Variants in CAMKMT observed in about 807,000 individuals in gnomAD.
CAMKMT encodes the protein CaM KMT.
CAMKMT carries 53 observed loss-of-function variants against 48.0 expected under a neutral mutation model. The ratio of observed to expected loss-of-function variants is 1.10; its 90% CI spans 0.89 to 1.39. CAMKMT has a LOEUF of 1.39. Among genes scored for constraint, CAMKMT ranks in the 40% most tolerant of loss-of-function variants. The pLI, the probability that CAMKMT is intolerant of heterozygous loss-of-function variation, is 0.00. For missense variants in CAMKMT, 428 were observed against 402.7 expected, an observed-to-expected ratio of 1.06 and a Z score of -0.54; for synonymous variants, 165 against 152.3, an observed-to-expected ratio of 1.08 and a Z score of -0.61.
intron 3 of CAMKMT, among the ~76,000 whole-genome samples, chr2:44,555,793 A>G (rs991602298): frequency 6.6e-6 from 1 of 152,190 alleles, no homozygotes; most frequent in Non-Finnish European, 1.5e-5. Flanking sequence ...CCAAGGGAGG[A>G]GAAACTTTCA....
At position 44,362,123 on chromosome 2, in the gene CAMKMT, C is replaced by A. The variant is rs757937402; in HGVS notation, c.116C>A (p.Ala39Asp). The A allele has an allele frequency of 2.7e-6, 4 of 1,476,544 alleles. No individual in the cohort carries two copies. Among genetic ancestry groups the A allele is most frequent in the Non-Finnish European group, 3.6e-6 (4 of 1,124,716 alleles). The allele number at this position is 1,476,544 out of a possible 1,614,324, so 91.5% of individuals were successfully genotyped here. Reference sequence around the variant, plus strand: ...GTAGTCTCGGCGCCCCTGGGAGCCGCCCGGTGGAAGCTCCTGCGGCAGGTA... The same window carrying A: ...GTAGTCTCGGCGCCCCTGGGAGCCGACCGGTGGAAGCTCCTGCGGCAGGTA... ...GPVVSAPLGA[A>D]RWKLLRQVLK... The change falls in exon 1 of 11, where the codon GCC becomes GAC. Residue 39 changes from alanine (A) to aspartate (D), a missense_variant. Ala to Asp is a moderately radical substitution (Grantham distance 126). Transcript: ENST00000378494.
intron 3 of CAMKMT, among the ~76,000 whole-genome samples, chr2:44,612,353 C>A (rs1372982439): frequency 6.6e-6 from 1 of 152,098 alleles, no homozygotes; most frequent in Non-Finnish European, 1.5e-5. Context: ...TATCTCCCTG[C>A]CAATCAATAA....
intron 3 of CAMKMT, among the ~76,000 whole-genome samples, chr2:44,498,830 C>CCAATATT (rs1361161869): frequency 6.6e-6 from 1 of 152,114 alleles, no homozygotes; most frequent in African/African-American, 2.4e-5. Flanking sequence ...GGCCAATATT[C>CCAATATT]CCAAATGAGA....
intron 3 of CAMKMT, among the ~76,000 whole-genome samples, chr2:44,629,197 CAT>C (rs758847645): frequency 6.6e-6 from 1 of 152,026 alleles, no homozygotes; most frequent in Non-Finnish European, 1.5e-5. Context: ...TTTTGAAGCT[CAT>C]ATTTGTTGCG....
intron 3 of CAMKMT, among the ~76,000 whole-genome samples, chr2:44,677,823 TC>T (rs567198435): frequency 6.6e-5 from 10 of 152,238 alleles, no homozygotes; most frequent in African/African-American, 1.9e-4. Context: ...ATCTCCTTGC[TC>T]TTGGGGTGTG....
At chr2:44,560,382 C>G (rs1668259946) in intron 3 of CAMKMT, among the ~76,000 whole-genome samples, 1 of 152,220 alleles carries the variant, frequency 6.6e-6, no homozygotes, top group East Asian at 1.9e-4. Flanking sequence ...GATCCTCCCA[C>G]TCAGCCACCT....
chr2:44,385,074 A>G (rs1046377610), intron 2 of CAMKMT, among the ~76,000 whole-genome samples: 1 of 152,122 alleles, frequency 6.6e-6, no homozygotes, highest in Admixed American at 6.5e-5. Flanking sequence ...TTTTGGCAGT[A>G]TGGTCATTTT....
intron 3 of CAMKMT, among the ~76,000 whole-genome samples, chr2:44,559,584 C>T (rs899242024): frequency 3.3e-5 from 5 of 152,066 alleles, no homozygotes; most frequent in African/African-American, 1.2e-4. Flanking sequence ...ATTTTTCACC[C>T]TCTTCTCTAC....
intron 3 of CAMKMT, among the ~76,000 whole-genome samples, chr2:44,487,832 T>C (rs1185336277): frequency 6.6e-6 from 1 of 152,266 alleles, no homozygotes; most frequent in Non-Finnish European, 1.5e-5. Context: ...GTTGTCACCT[T>C]TTCCAAAGAC....
At chr2:44,438,669 T>G (rs1360973952) in intron 3 of CAMKMT, among the ~76,000 whole-genome samples, 2 of 152,180 alleles carry the variant, frequency 1.3e-5, no homozygotes, top group African/African-American at 4.8e-5. Context: ...TTTTTGACAC[T>G]GAACTACTCA....
chr2:44,758,866 C>A (rs1680492517), intron 9 of CAMKMT, among the ~76,000 whole-genome samples: 1 of 152,216 alleles, frequency 6.6e-6, no homozygotes, highest in Admixed American at 6.5e-5. Context: ...TACTAATATT[C>A]CTCTGAAATG....
At chr2:44,437,234 C>G (rs891395989) in intron 3 of CAMKMT, among the ~76,000 whole-genome samples, 1 of 152,098 alleles carries the variant, frequency 6.6e-6, no homozygotes, top group Non-Finnish European at 1.5e-5. Flanking sequence ...CAATAGGTAT[C>G]AGTTATCTGA....
At chr2:44,382,191 C>T (rs551796075) in intron 2 of CAMKMT, among the ~76,000 whole-genome samples, 4 of 152,120 alleles carry the variant, frequency 2.6e-5, no homozygotes, top group South Asian at 2.1e-4. Flanking sequence ...ATTCTACCTG[C>T]GTCAACCTCC....
intron 7 of CAMKMT, among the ~76,000 whole-genome samples, chr2:44,726,283 C>A (rs977020173): frequency 6.6e-6 from 1 of 152,166 alleles, no homozygotes; most frequent in Non-Finnish European, 1.5e-5. Context: ...ACAGCCTCGC[C>A]AGCATCTATT....
chr2:44,697,664 C>A (rs1179277179), intron 3 of CAMKMT, among the ~76,000 whole-genome samples: 1 of 151,984 alleles, frequency 6.6e-6, no homozygotes, highest in Non-Finnish European at 1.5e-5. Context: ...GGGGAGTGAT[C>A]TTACCAAAAT....
At chr2:44,368,417 A>G (rs1310573478) in intron 1 of CAMKMT, among the ~76,000 whole-genome samples, 1 of 152,160 alleles carries the variant, frequency 6.6e-6, no homozygotes, top group Admixed American at 6.5e-5. Flanking sequence ...CTCCTATTGC[A>G]ATTACTTTTA....
intron 3 of CAMKMT, among the ~76,000 whole-genome samples, chr2:44,634,738 G>A: frequency 7.8e-6 from 1 of 128,344 alleles, no homozygotes; most frequent in Non-Finnish European, 1.6e-5. Context: ...ATGGTGTGGG[G>A]TAGAAGTATT....
intron 3 of CAMKMT, among the ~76,000 whole-genome samples, chr2:44,451,638 A>T (rs1667291624): frequency 6.6e-6 from 1 of 152,012 alleles, no homozygotes; most frequent in Non-Finnish European, 1.5e-5. Flanking sequence ...TTCAGTAAAG[A>T]GTTATCCTCT....
chr2:44,572,982 T>C (rs1435152866), intron 3 of CAMKMT, among the ~76,000 whole-genome samples: 1 of 152,200 alleles, frequency 6.6e-6, no homozygotes, highest in Non-Finnish European at 1.5e-5. Flanking sequence ...AATCTTTTCA[T>C]GTGCTGTTTG....
Sources: gnomAD v4.1 joint callset for allele counts (sites outside exome capture counted in the v4.1 genomes callset) on GRCh38, gnomAD v4.1.1 for gene constraint, MANE v1.5 for transcripts, NCBI Gene and HGNC (gene_info 2026-07-23, HGNC 2026-07-21) for gene names.